The following EBF1 variants were observed in gnomAD, a reference collection of about 807,000 sequenced individuals.
EBF1 encodes EBF transcription factor 1.
EBF1 carries 10 observed loss-of-function variants against 68.4 expected under a neutral mutation model. That is an observed-to-expected ratio of 0.15 (90% CI 0.09 to 0.25). EBF1 has a LOEUF of 0.25. Among genes scored for constraint, EBF1 ranks in the 10% least tolerant of loss-of-function variants. The probability of loss-of-function intolerance (pLI) is 1.00; values close to 1 mark genes in which losing one functional copy is unlikely to be tolerated. For missense variants in EBF1, 509 were observed against 794.4 expected, an observed-to-expected ratio of 0.64 and a Z score of 4.32; for synonymous variants, 298 against 299.8, an observed-to-expected ratio of 0.99 and a Z score of 0.06.
chr5:158,981,120 C>A (rs1757807911), intron 6 of EBF1, among the ~76,000 whole-genome samples: 1 of 151,754 alleles, frequency 6.6e-6, no homozygotes, highest in Non-Finnish European at 1.5e-5. Context: ...TCAAAATGGG[C>A]CATATTCAGC....
chr5:158,877,040 C>T (rs1007179790), intron 6 of EBF1, among the ~76,000 whole-genome samples: 2 of 152,132 alleles, frequency 1.3e-5, no homozygotes, highest in African/African-American at 2.4e-5. Flanking sequence ...GTGTAAAGAA[C>T]TGAGCAAGTG....
chr5:158,772,709 T>C (rs529435831), intron 10 of EBF1, among the ~76,000 whole-genome samples: 1 of 152,270 alleles, frequency 6.6e-6, no homozygotes, highest in East Asian at 1.9e-4. Context: ...AGACATTTCT[T>C]AGATTTCTAG....
intron 6 of EBF1, among the ~76,000 whole-genome samples, chr5:158,902,893 G>C (rs1440023350): frequency 6.6e-6 from 1 of 152,190 alleles, no homozygotes; most frequent in African/African-American, 2.4e-5. Flanking sequence ...TTCTTTGACA[G>C]GTGCGGTTAG....
intron 7 of EBF1, among the ~76,000 whole-genome samples, chr5:158,835,056 T>C (rs191955463): frequency 1.3e-5 from 2 of 152,338 alleles, no homozygotes; most frequent in East Asian, 1.9e-4. Context: ...CATAAAAATA[T>C]TTGAAACCAG....
intron 6 of EBF1, among the ~76,000 whole-genome samples, chr5:158,900,123 G>T (rs1006183291): frequency 2.0e-5 from 3 of 152,276 alleles, no homozygotes; most frequent in Admixed American, 2.0e-4. Flanking sequence ...ACCGCTGCAG[G>T]AAATTTTTCA....
chr5:159,090,768 T>G (rs554379935), intron 4 of EBF1, among the ~76,000 whole-genome samples: 1 of 151,902 alleles, frequency 6.6e-6, no homozygotes, highest in Non-Finnish European at 1.5e-5. Context: ...CATTTACACC[T>G]ACATTAGTAA....
chr5:159,092,234 C>T (rs1242310952), intron 4 of EBF1, among the ~76,000 whole-genome samples: 1 of 152,190 alleles, frequency 6.6e-6, no homozygotes, highest in African/African-American at 2.4e-5. Flanking sequence ...TGCATGCTCA[C>T]TAATGGAATA....
At chr5:158,960,595 T>C (rs766669549) in intron 6 of EBF1, among the ~76,000 whole-genome samples, 3 of 152,244 alleles carry the variant, frequency 2.0e-5, no homozygotes, top group African/African-American at 7.2e-5. Flanking sequence ...ATAGGTTCTC[T>C]AATGGTTTTT....
At chr5:158,962,669 C>G (rs1390261437) in intron 6 of EBF1, among the ~76,000 whole-genome samples, 1 of 152,160 alleles carries the variant, frequency 6.6e-6, no homozygotes, top group Non-Finnish European at 1.5e-5. Context: ...CTTTTTAAAG[C>G]CTACAAAGCC....
rs778162720 is a variant in EBF1 at position 158,823,196 on chromosome 5, G to A, written c.758C>T (p.Thr253Met). 1.4e-5 allele frequency: 23 copies of A among 1,613,798 alleles called. No individual in the cohort carries two copies. The highest frequency in any genetic ancestry group is 1.9e-5 in the Non-Finnish European group (22 of 1,179,894). Reference protein sequence around the residue: ...RARRLDPSEGTPSYLEHATPC... With the variant: ...RARRLDPSEGMPSYLEHATPC... ...CCTACCATGTTCCAGATAAGAGGGC[G>A]TACCTTCCGAGGGGTCAAGCCTCCG... The change falls in exon 8 of 16, where the codon ACG (threonine) becomes ATG (methionine). Residue 253 changes from threonine to methionine, a missense_variant. By Grantham distance (81) the Thr-to-Met change is moderately conservative. Transcript: ENST00000313708.
intron 6 of EBF1, among the ~76,000 whole-genome samples, chr5:159,022,261 C>G (rs1404770718): frequency 3.3e-5 from 5 of 152,178 alleles, no homozygotes; most frequent in Non-Finnish European, 7.3e-5. Context: ...GCTTACAGAA[C>G]TATTATCAAA....
chr5:158,994,984 C>A (rs943876516), intron 6 of EBF1, among the ~76,000 whole-genome samples: 5 of 152,336 alleles, frequency 3.3e-5, no homozygotes, highest in African/African-American at 1.2e-4. Flanking sequence ...AAGCACTGAT[C>A]CCTCTGACGA....
In EBF1 at chr5:158,796,418, G is replaced by A. The variant is rs1179040387; in HGVS notation, c.836C>T (p.Thr279Ile). The A allele has an allele frequency of 6.2e-7, 1 of 1,613,644 alleles. No individual in the cohort carries two copies. Among genetic ancestry groups the A allele is most frequent in the Admixed American group, 1.7e-5 (1 of 59,970 alleles). ...PSEGWTTGGA[T>I]VIIIGDNFFD... ...GAAATTGTCCCCTATGATGATCACA[G>A]TCGCACCTCCCGTCGTCCATCCTTC... Residue 279 changes from threonine to isoleucine, a missense_variant, in exon 9 of 16, where the codon ACT becomes ATT. Physicochemically the swap from Thr to Ile is moderately conservative, Grantham distance 89. This residue lies in a region of EBF1 where 230 missense variants were observed against 467.7 expected (regional missense o/e 0.49). Transcript: ENST00000313708.
intron 8 of EBF1, among the ~76,000 whole-genome samples, chr5:158,800,550 C>G (rs1343133091): frequency 1.3e-5 from 2 of 152,142 alleles, no homozygotes; most frequent in African/African-American, 4.8e-5. Context: ...TGAGAGCAAA[C>G]AGTTGTACTT....
Position 158,877,704 on chromosome 5 carries a change from A to G in EBF1, c.555-37594T>C, listed in dbSNP as rs1006602232. ...TTATAACCAAATACTACAAACGCAC[A>G]CACACACACACACTTTCCAATTGGT... On this transcript the variant is annotated intron_variant, in intron 6 of 15. Coordinates refer to ENST00000313708, the MANE Select transcript of EBF1 (RefSeq NM_024007.5). Among the ~76,000 whole-genome samples the G allele has an allele frequency of 2.0e-5, 3 of 151,942 alleles. No individual in the cohort carries two copies. The East Asian group carries it at 5.8e-4, about 29-fold the overall frequency.
intron 9 of EBF1, among the ~76,000 whole-genome samples, chr5:158,778,452 C>T (rs1456127952): frequency 1.3e-5 from 2 of 152,070 alleles, no homozygotes; most frequent in Admixed American, 6.6e-5. Context: ...GCAGTTAGCT[C>T]AATATTTGTG....
intron 7 of EBF1, 143 bp from the exon 8 acceptor site, chr5:158,823,460 G>C: frequency 1.2e-6 from 1 of 805,154 alleles, no homozygotes; most frequent in Admixed American, 3.1e-5. Context: ...TGCTGTACAA[G>C]TCTAACAAGA....
intron 6 of EBF1, among the ~76,000 whole-genome samples, chr5:158,979,259 G>C (rs1356444818): frequency 6.6e-6 from 1 of 152,138 alleles, no homozygotes; most frequent in Non-Finnish European, 1.5e-5. Flanking sequence ...CAGAGAAATA[G>C]ATAGGTATAT....
chr5:158,711,807 G>A (rs1277834776), intron 14 of EBF1, among the ~76,000 whole-genome samples: 1 of 152,112 alleles, frequency 6.6e-6, no homozygotes, highest in East Asian at 1.9e-4. Context: ...CTGAGTAGCT[G>A]GTGGTAACTG....
Sources: allele counts gnomAD v4.1 joint callset (sites outside exome capture counted in the v4.1 genomes callset), GRCh38; gene constraint gnomAD v4.1.1; regional missense constraint gnomAD v4.1.1; transcripts MANE v1.5; gene names NCBI Gene and HGNC (gene_info 2026-07-23, HGNC 2026-07-21).